The following DIP2C variants were observed in gnomAD, a reference collection of about 807,000 sequenced individuals.
The protein encoded by DIP2C is DIP2 acetate--CoA ligase C (putative), also known as disco-interacting protein 2 homolog C.
A neutral mutation model predicts 192.4 loss-of-function variants in DIP2C; 33 were observed. The ratio of observed to expected loss-of-function variants is 0.17; its 90% CI spans 0.13 to 0.23. DIP2C has a LOEUF of 0.23. Among genes scored for constraint, DIP2C ranks in the 10% least tolerant of loss-of-function variants. The pLI, the probability that DIP2C is intolerant of heterozygous loss-of-function variation, is 1.00. For missense variants in DIP2C, 1,537 were observed against 2,110.1 expected (o/e 0.73, Z 5.32); for synonymous variants, 979 against 864.1 (o/e 1.13, Z -2.33).
At chr10:288,452 T>G in intron 32 of DIP2C, 31 bp from the exon 33 acceptor site, 2 of 1,611,292 alleles carry the variant, frequency 1.2e-6, no homozygotes, top group Middle Eastern at 1.7e-4. Flanking sequence ...TATTCCTAGA[T>G]GTGTTTGCTG....
chr10:486,129 A>C (rs1843995738), intron 2 of DIP2C, among the ~76,000 whole-genome samples: 1 of 149,288 alleles, frequency 6.7e-6, no homozygotes. Context: ...CAGAATCAAT[A>C]GTAATAAATA....
intron 29 of DIP2C, among the ~76,000 whole-genome samples, chr10:330,164 C>T (rs1957439365): frequency 1.3e-5 from 2 of 152,218 alleles, no homozygotes; most frequent in South Asian, 4.2e-4. Context: ...GTTTAGAAAA[C>T]TGACAGCCAG....
intron 2 of DIP2C, 108 bp from the exon 3 acceptor site, chr10:472,657 C>T (rs1267927280): frequency 1.6e-5 from 16 of 984,180 alleles, no homozygotes; most frequent in African/African-American, 9.6e-5. Flanking sequence ...GAGCTACCCA[C>T]GGGACTGGGC....
At chr10:568,631 T>C (rs1248161270) in intron 1 of DIP2C, among the ~76,000 whole-genome samples, 1 of 151,636 alleles carries the variant, frequency 6.6e-6, no homozygotes, top group African/African-American at 2.4e-5. Context: ...CCAGGCATGG[T>C]GGCACGCGCC....
intron 22 of DIP2C, among the ~76,000 whole-genome samples, chr10:360,742 C>T (rs754395868): frequency 2.6e-5 from 4 of 152,182 alleles, no homozygotes; most frequent in Non-Finnish European, 4.4e-5. Context: ...TCTCTTAATA[C>T]TTTTGTGCTC....
At chr10:675,107 AC>A (rs1213489836) in intron 1 of DIP2C, among the ~76,000 whole-genome samples, 1 of 152,204 alleles carries the variant, frequency 6.6e-6, no homozygotes, top group African/African-American at 2.4e-5. Flanking sequence ...TCAGACTGTA[AC>A]AGAATAAAGC....
chr10:496,830 T>C (rs900366069), intron 1 of DIP2C, among the ~76,000 whole-genome samples: 1 of 152,140 alleles, frequency 6.6e-6, no homozygotes, highest in Non-Finnish European at 1.5e-5. Flanking sequence ...CTGCTGTACT[T>C]AAAATCTCCA....
At chr10:584,332 CTG>C (rs1056460399) in intron 1 of DIP2C, among the ~76,000 whole-genome samples, 12 of 152,196 alleles carry the variant, frequency 7.9e-5, no homozygotes, top group African/African-American at 2.2e-4. Context: ...TACCAAGCAT[CTG>C]TGTTTTTAGG....
In DIP2C at chr10:351,622, A is replaced by C. The variant is rs559439037; in HGVS notation, c.2986-2168T>G. ...GACACCTAAAAAATTAGAAAACAGAAACTGATTTAAAGTAGAAGAGCCCAA... is the reference window on the plus strand; with the variant it reads ...GACACCTAAAAAATTAGAAAACAGACACTGATTTAAAGTAGAAGAGCCCAA... On this transcript the variant is annotated intron_variant, in intron 24 of 36. Transcript: ENST00000280886. Among the ~76,000 whole-genome samples, 4 of 152,306 alleles carry C rather than the reference A, an allele frequency of 2.6e-5. No individual in the cohort carries two copies. The South Asian group carries it at 8.3e-4, about 32-fold the overall frequency.
At chr10:457,669 C>T (rs1282610188) in intron 3 of DIP2C, among the ~76,000 whole-genome samples, 1 of 152,194 alleles carries the variant, frequency 6.6e-6, no homozygotes, top group Non-Finnish European at 1.5e-5. Flanking sequence ...GATCCTTCCA[C>T]CTCAGCCCCC....
chr10:355,109 A>G (rs992630408), intron 24 of DIP2C, among the ~76,000 whole-genome samples: 3 of 152,136 alleles, frequency 2.0e-5, no homozygotes, highest in Non-Finnish European at 4.4e-5. Context: ...CGGCCCCCAC[A>G]CCTGAGCTCT....
rs1373862769 is a variant in DIP2C at position 357,899 on chromosome 10, A to C, written c.2833T>G (p.Ser945Ala). Residue 945 changes from serine to alanine, a missense_variant, in exon 23 of 37, where the codon TCT becomes GCT. By Grantham distance (99) the Ser-to-Ala change is moderately conservative. Transcript: ENST00000280886. The stretch of plus-strand genomic sequence containing the variant: ...CTGGCCTGGGCGATTCTCTTCCCAG[A>C]GACCAGGTTCCCCACCATCACAGAG... ...PASVMVGNLVSGKRIAQASGR... is the reference protein window; with the variant it reads ...PASVMVGNLVAGKRIAQASGR... The C allele has an allele frequency of 6.2e-7, 1 of 1,612,650 alleles. No homozygotes were observed. Among genetic ancestry groups the C allele is most frequent in the Admixed American group, 1.7e-5 (1 of 59,994 alleles).
chr10:384,742 C>T (rs1370527389), intron 14 of DIP2C, 103 bp from the exon 15 acceptor site: 1 of 1,177,666 alleles, frequency 8.5e-7, no homozygotes, highest in African/African-American at 1.5e-5. Flanking sequence ...CAGGGGGGAG[C>T]TCTCAGGGAG....
intron 17 of DIP2C, 85 bp downstream of exon 17, chr10:382,562 C>G (rs751576057): frequency 1.9e-6 from 2 of 1,053,432 alleles, no homozygotes; most frequent in Non-Finnish European, 1.4e-6. Flanking sequence ...CCCTCAGCAT[C>G]AACTGTTAGG....
chr10:361,309 A>T lies in DIP2C; in HGVS notation c.2794+1181T>A, dbSNP rs2132713432. ...CCTAAGGAAGAGGGCTTTCTGCAGGAGGTCACACTCCTGACCGCAGTGTGA... is the reference window on the plus strand; with the variant it reads ...CCTAAGGAAGAGGGCTTTCTGCAGGTGGTCACACTCCTGACCGCAGTGTGA... On this transcript the variant is annotated intron_variant, in intron 22 of 36. Transcript: ENST00000280886. Among the ~76,000 whole-genome samples, 3 of 152,254 alleles carry T rather than the reference A, an allele frequency of 2.0e-5. No homozygotes were observed. In the Middle Eastern group the frequency reaches 0.01, roughly 518 times the overall value.
At chr10:650,014 T>A (rs1228309054) in intron 1 of DIP2C, 8 of 660,440 alleles carry the variant, frequency 1.2e-5, no homozygotes, top group Middle Eastern at 3.9e-4. Flanking sequence ...CAACAATTCC[T>A]TATTAGGAAG....
chr10:585,043 C>T (rs1850930292), intron 1 of DIP2C, among the ~76,000 whole-genome samples: 1 of 149,782 alleles, frequency 6.7e-6, no homozygotes, highest in Admixed American at 6.6e-5. Context: ...CATCACCTCT[C>T]AATCTCAGGG....
intron 29 of DIP2C, among the ~76,000 whole-genome samples, chr10:334,754 T>G (rs561233975): frequency 1.5e-4 from 23 of 152,350 alleles, no homozygotes; most frequent in Non-Finnish European, 3.1e-4. Context: ...AAGGGTTTAT[T>G]TCTGGACTCT....
chr10:491,354 G>T (rs1844435804), intron 1 of DIP2C, among the ~76,000 whole-genome samples: 1 of 152,246 alleles, frequency 6.6e-6, no homozygotes, highest in Non-Finnish European at 1.5e-5. Context: ...TCGTTTCCAT[G>T]TTGGGAATTC....
Sources: allele counts gnomAD v4.1 joint callset (sites outside exome capture counted in the v4.1 genomes callset), GRCh38; gene constraint gnomAD v4.1.1; transcripts MANE v1.5; gene names NCBI Gene and HGNC (gene_info 2026-07-23, HGNC 2026-07-21).